Variants in SANBR observed in about 807,000 individuals in gnomAD.
SANBR encodes the protein SANT and BTB domain regulator of CSR, also known as SANT and BTB domain regulator of class switch recombination.
A neutral mutation model predicts 101.8 loss-of-function variants in SANBR; 77 were observed. The ratio of observed to expected loss-of-function variants is 0.76; its 90% CI spans 0.63 to 0.91. SANBR has a LOEUF of 0.91. Among genes scored for constraint, SANBR ranks in the 40% least tolerant of loss-of-function variants. The pLI, the probability that SANBR is intolerant of heterozygous loss-of-function variation, is 0.00. For synonymous variants in SANBR, 279 were observed against 274.7 expected (o/e 1.02, Z -0.15); for missense variants, 875 against 853.0 (o/e 1.03, Z -0.32).
chr2:61,096,071 T>TA (rs1683016130), intron 11 of SANBR, among the ~76,000 whole-genome samples: 1 of 152,046 alleles, frequency 6.6e-6, no homozygotes, highest in Admixed American at 6.6e-5. Flanking sequence ...TGGTATTTCT[T>TA]ACAAACTTTC....
chr2:61,130,728 C>T (rs951513035), intron 20 of SANBR, among the ~76,000 whole-genome samples: 15 of 151,598 alleles, frequency 9.9e-5, no homozygotes, highest in African/African-American at 3.6e-4. Context: ...GCGGGCAGAT[C>T]ATGAGGTCAG....
downstream of SANBR, among the ~76,000 whole-genome samples, chr2:61,127,300 G>C (rs1447639508): frequency 2.6e-5 from 4 of 152,154 alleles, no homozygotes; most frequent in East Asian, 7.7e-4. Flanking sequence ...ATCTGCACCT[G>C]TTGGAGTTTC....
chr2:61,123,205 G>C lies in SANBR; in HGVS notation c.*1043G>C, dbSNP rs1253226906. On this transcript the variant is annotated 3_prime_UTR_variant, in exon 22 of 22. Coordinates refer to ENST00000402291, the MANE Select transcript of SANBR (RefSeq NM_001129993.3). ...TAAATTATGTGTTTGTAAATTATATGTAGGTCTCTGAAAAACTTTAAGATG... is the reference window on the plus strand; with the variant it reads ...TAAATTATGTGTTTGTAAATTATATCTAGGTCTCTGAAAAACTTTAAGATG... 1.0e-6 allele frequency: 1 copy of C among 975,476 alleles called. No individual in the cohort carries two copies. The highest frequency in any genetic ancestry group is 6.2e-5 in the Admixed American group (1 of 16,240). 60.4% of individuals were successfully genotyped at this position (975,476 alleles called of 1,614,324 possible).
intron 1 of SANBR, among the ~76,000 whole-genome samples, chr2:61,068,180 G>T (rs971415579): frequency 6.6e-6 from 1 of 152,060 alleles, no homozygotes. Flanking sequence ...CCCTTCCAAG[G>T]TTCTTCCAAG....
intron 8 of SANBR, among the ~76,000 whole-genome samples, chr2:61,085,552 C>T (rs1682379707): frequency 6.6e-6 from 1 of 151,982 alleles, no homozygotes. Context: ...CTCTTGTCAC[C>T]CAGGCTGGAG....
chr2:61,090,718 TTGTG>T (rs58195165), intron 10 of SANBR: 69 of 143,230 alleles, frequency 4.8e-4, no homozygotes, highest in South Asian at 1.6e-3. Context: ...GGCACAGGGT[TTGTG>T]TGTGTGTGTG....
intron 16 of SANBR, among the ~76,000 whole-genome samples, chr2:61,112,702 G>A (rs969128005): frequency 1.3e-4 from 20 of 151,978 alleles, no homozygotes; most frequent in Non-Finnish European, 2.4e-4. Context: ...CCATGTTGGC[G>A]GAGCTGGTCT....
chr2:61,115,228 C>T (rs576850679), intron 16 of SANBR, among the ~76,000 whole-genome samples: 73 of 152,078 alleles, frequency 4.8e-4, no homozygotes, highest in Middle Eastern at 6.8e-3. Context: ...TTAATAGATG[C>T]TATTCAAGTT....
At chr2:61,122,094 T>C (rs1684353722) in intron 21 of SANBR, 32 bp from the exon 22 acceptor site, 1 of 1,547,930 alleles carries the variant, frequency 6.5e-7, no homozygotes, top group Non-Finnish European at 8.7e-7. Flanking sequence ...TTAGAAGCAA[T>C]TCTGACCTCC....
In SANBR at chr2:61,092,520, C is replaced by T. The variant is rs1573621206; in HGVS notation, c.1145C>T (p.Ser382Phe). ...AATAGTCTTTTCGAAGAATTAAAAT[C>T]TTGGAGAGATGTATACTGGCGATTG... ...YLNSLFEELK[S>F]WRDVYWRLWG... Residue 382 changes from serine to phenylalanine, a missense_variant, in exon 11 of 22, where the codon TCT becomes TTT. Transcript: ENST00000402291. 6.2e-7 allele frequency: 1 copy of T among 1,605,634 alleles called. No individual in the cohort carries two copies. The highest frequency in any genetic ancestry group is 1.1e-5 in the South Asian group (1 of 88,652).
At chr2:61,131,680 TAAC>T (rs1684692971) in intron 20 of SANBR, among the ~76,000 whole-genome samples, 1 of 152,196 alleles carries the variant, frequency 6.6e-6, no homozygotes, top group South Asian at 2.1e-4. Flanking sequence ...TTGTAGAAAT[TAAC>T]AAGCTGATTC....
chr2:61,102,934 C>T lies in SANBR; in HGVS notation c.1366-919C>T, dbSNP rs1683358405. On this transcript the variant is annotated intron_variant, in intron 12 of 21. Coordinates refer to ENST00000402291, the MANE Select transcript of SANBR (RefSeq NM_001129993.3). Reference sequence around the variant, plus strand: ...GCTGATGGTAATATAATTTGGTACACATGAGCACTTGTGTACTGAGAAACA... The same window carrying T: ...GCTGATGGTAATATAATTTGGTACATATGAGCACTTGTGTACTGAGAAACA... Among the ~76,000 whole-genome samples, 3 of 151,998 alleles carry T rather than the reference C, an allele frequency of 2.0e-5. No homozygotes were observed. The South Asian group carries it at 6.2e-4, about 31-fold the overall frequency.
intron 6 of SANBR, among the ~76,000 whole-genome samples, chr2:61,081,199 G>C (rs1465918709): frequency 6.6e-6 from 1 of 152,016 alleles, no homozygotes; most frequent in Non-Finnish European, 1.5e-5. Context: ...GATTACATAT[G>C]TGATATCTTT....
chr2:61,119,693 C>A (rs2104969045), intron 20 of SANBR, among the ~76,000 whole-genome samples: 1 of 152,290 alleles, frequency 6.6e-6, no homozygotes, highest in East Asian at 1.9e-4. Flanking sequence ...TACAGTGGCT[C>A]ACACCTGTAA....
chr2:61,098,924 G>A (rs1683161889), intron 12 of SANBR, among the ~76,000 whole-genome samples: 1 of 152,196 alleles, frequency 6.6e-6, no homozygotes, highest in Non-Finnish European at 1.5e-5. Context: ...CATATACAGG[G>A]CCATAAATGT....
chr2:61,079,851 G>T (rs1682000747), intron 6 of SANBR, among the ~76,000 whole-genome samples: 1 of 151,466 alleles, frequency 6.6e-6, no homozygotes, highest in African/African-American at 2.4e-5. Flanking sequence ...AGTGAGCAGA[G>T]ATTGCGCCAC....
downstream of SANBR, among the ~76,000 whole-genome samples, chr2:61,128,555 C>T (rs1028206271): frequency 2.6e-5 from 4 of 151,504 alleles, no homozygotes; most frequent in East Asian, 2.0e-4. Context: ...TGCAGTGGTG[C>T]GATCTCAGCT....
At chr2:61,120,940 G>GGGGGTGATAGGACTATTTTCTTT (rs1684305832) in intron 20 of SANBR, among the ~76,000 whole-genome samples, 1 of 152,142 alleles carries the variant, frequency 6.6e-6, no homozygotes, top group Admixed American at 6.5e-5. Flanking sequence ...GAATTTTCTT[G>GGGGGTGATAGGACTATTTTCTTT]GGGGTGATAG....
chr2:61,079,250 C>G (rs1454007249), intron 6 of SANBR, among the ~76,000 whole-genome samples: 1 of 151,950 alleles, frequency 6.6e-6, no homozygotes, highest in Non-Finnish European at 1.5e-5. Context: ...ATCAAAAGTT[C>G]AAGAGCCAGT....
Sources: gnomAD v4.1 joint callset for allele counts (sites outside exome capture counted in the v4.1 genomes callset) on GRCh38, gnomAD v4.1.1 for gene constraint, MANE v1.5 for transcripts, NCBI Gene and HGNC (gene_info 2026-07-23, HGNC 2026-07-21) for gene names.